The following KDSR variants were observed in gnomAD, a reference collection of about 807,000 sequenced individuals.
The protein encoded by KDSR is 3-ketodihydrosphingosine reductase.
In KDSR, 23 loss-of-function variants were observed where a neutral mutation model predicts 41.3. That is an observed-to-expected ratio of 0.56 (90% CI 0.40 to 0.79). The LOEUF (loss-of-function observed/expected upper bound fraction) is 0.79, where lower values mean the gene tolerates loss of function less well. Ranked by LOEUF, KDSR falls within the 30% of genes least tolerant of loss-of-function variation. KDSR has a pLI of 0.00. For missense variants in KDSR, 351 were observed against 416.8 expected, an observed-to-expected ratio of 0.84 and a Z score of 1.37; for synonymous variants, 138 against 151.7, an observed-to-expected ratio of 0.91 and a Z score of 0.66.
At chr18:63,361,262 T>G (rs1914979283) in intron 2 of KDSR, among the ~76,000 whole-genome samples, 1 of 141,826 alleles carries the variant, frequency 7.1e-6, no homozygotes, top group South Asian at 2.3e-4. Flanking sequence ...ACACCACAGG[T>G]TCTTCATTCA....
intron 5 of KDSR, among the ~76,000 whole-genome samples, chr18:63,354,551 C>A (rs1295176093): frequency 6.6e-6 from 1 of 151,888 alleles, no homozygotes; most frequent in Non-Finnish European, 1.5e-5. Flanking sequence ...GCCTGTAATC[C>A]CAGCTACTAG....
chr18:63,340,277 T>C (rs1202479754), intron 7 of KDSR, among the ~76,000 whole-genome samples: 1 of 152,258 alleles, frequency 6.6e-6, no homozygotes, highest in Non-Finnish European at 1.5e-5. Context: ...GATCTCTGCT[T>C]ATTCTAAGAC....
chr18:63,331,557 T>C lies in KDSR; in HGVS notation c.*225A>G. 1 of 399,718 alleles carries C rather than the reference T, an allele frequency of 2.5e-6. No homozygotes were observed. Among genetic ancestry groups the C allele is most frequent in the South Asian group, 5.7e-5 (1 of 17,636 alleles). 24.8% of individuals were successfully genotyped at this position (399,718 alleles called of 1,614,324 possible). ...ACCTTCACCTCTCTACCACAAAGCC[T>C]AGAAAATCAAATGGTCTCCTATTCC... On this transcript the variant is annotated 3_prime_UTR_variant, in exon 10 of 10. Coordinates refer to ENST00000645214, the MANE Select transcript of KDSR (RefSeq NM_002035.4).
chr18:63,357,596 T>TA (rs1185151915), intron 3 of KDSR, among the ~76,000 whole-genome samples: 9 of 142,154 alleles, frequency 6.3e-5, no homozygotes, highest in Non-Finnish European at 9.2e-5. Context: ...ATATATATAT[T>TA]TTTTTTTGAG....
At chr18:63,337,362 C>T (rs568636483) in intron 8 of KDSR, among the ~76,000 whole-genome samples, 6 of 152,124 alleles carry the variant, frequency 3.9e-5, no homozygotes, top group South Asian at 4.1e-4. Context: ...GTGATCCGCC[C>T]GCCTTGGCCT....
intron 5 of KDSR, among the ~76,000 whole-genome samples, chr18:63,353,012 CAAAA>C: frequency 8.6e-6 from 1 of 116,234 alleles, no homozygotes; most frequent in Non-Finnish European, 1.8e-5. Flanking sequence ...ACTAAAAATA[CAAAA>C]AAAAAAAAAA....
At chr18:63,360,383 A>T (rs189613488) in intron 2 of KDSR, among the ~76,000 whole-genome samples, 9 of 152,360 alleles carry the variant, frequency 5.9e-5, no homozygotes, top group Admixed American at 3.9e-4. Context: ...AAGAAAACAG[A>T]TATCAGATTA....
At chr18:63,342,334 C>T (rs961626606) in intron 7 of KDSR, among the ~76,000 whole-genome samples, 5 of 151,964 alleles carry the variant, frequency 3.3e-5, no homozygotes, top group Non-Finnish European at 4.4e-5. Context: ...TCATGGGCTC[C>T]GTCAAAGGGA....
intron 5 of KDSR, among the ~76,000 whole-genome samples, chr18:63,351,530 C>T (rs548989275): frequency 6.6e-6 from 1 of 152,104 alleles, no homozygotes; most frequent in Non-Finnish European, 1.5e-5. Flanking sequence ...CTTGGGTCTC[C>T]CATTTATTGC....
intron 8 of KDSR, among the ~76,000 whole-genome samples, chr18:63,337,519 G>A (rs1322479648): frequency 6.6e-6 from 1 of 152,112 alleles, no homozygotes; most frequent in Admixed American, 6.6e-5. Context: ...AAAGTTCTCT[G>A]GGGTTGTTGA....
chr18:63,337,568 T>C (rs1914213308), intron 8 of KDSR, among the ~76,000 whole-genome samples: 2 of 152,126 alleles, frequency 1.3e-5, no homozygotes, highest in Non-Finnish European at 2.9e-5. Flanking sequence ...AGAAGAAAAG[T>C]TTGAAAACCA....
At chr18:63,344,549 C>A in intron 6 of KDSR, 56 bp from the exon 7 acceptor site, 1 of 1,243,306 alleles carries the variant, frequency 8.0e-7, no homozygotes, top group Non-Finnish European at 1.2e-6. Context: ...TGAGGTCCTA[C>A]ACTGCCAACC....
chr18:63,339,501 T>C (rs1914280629), intron 7 of KDSR, among the ~76,000 whole-genome samples: 1 of 152,256 alleles, frequency 6.6e-6, no homozygotes. Context: ...ATGGGCTGCA[T>C]GCTAGTTACC....
chr18:63,361,001 AAT>A (rs1555715408), intron 2 of KDSR, among the ~76,000 whole-genome samples: 5 of 120,244 alleles, frequency 4.2e-5, no homozygotes, highest in Non-Finnish European at 6.5e-5. Flanking sequence ...CTAAAAAAAA[AAT>A]ATATATATAT....
chr18:63,344,345 G>T, intron 7 of KDSR, 65 bp downstream of exon 7: 1 of 1,137,476 alleles, frequency 8.8e-7, no homozygotes, highest in Non-Finnish European at 1.3e-6. Flanking sequence ...GAGCTGAAGA[G>T]TAGAAAGAAA....
rs146330917 is a variant in KDSR at position 63,344,557 on chromosome 18, A to T, written c.610-64T>A. ...GACACACTGAGGTCCTACACTGCCA[A>T]CCTGCACTGGCTGCCCTGATTCCCA... On this transcript the variant is annotated intron_variant, in intron 6 of 9. Transcript: ENST00000645214. 1,070 of 1,165,784 alleles carry T rather than the reference A, an allele frequency of 9.2e-4. 9 individuals carry two copies. The highest frequency in any genetic ancestry group is 6.9e-3 in the South Asian group (550 of 79,200). The allele number at this position is 1,165,784 out of a possible 1,614,324, so 72.2% of individuals were successfully genotyped here. A position where few individuals can be genotyped will look rare whatever the true frequency, so the allele number is the denominator to read the frequency against.
chr18:63,344,534 C>T (rs367738736), intron 6 of KDSR, 41 bp from the exon 7 acceptor site: 11 of 1,446,498 alleles, frequency 7.6e-6, no homozygotes, highest in Non-Finnish European at 1.1e-5. Context: ...GTAAACAAGA[C>T]ACACTGAGGT....
intron 1 of KDSR, among the ~76,000 whole-genome samples, chr18:63,364,688 C>T (rs1915085305): frequency 6.6e-6 from 1 of 152,214 alleles, no homozygotes; most frequent in African/African-American, 2.4e-5. Context: ...AAGTTATGCA[C>T]TCTCCTTGAC....
In KDSR at chr18:63,351,087, G is replaced by T. The variant is rs895522355; in HGVS notation, c.418-8C>A. 2 of 1,603,084 alleles carry T rather than the reference G, an allele frequency of 1.2e-6. No homozygotes were observed. Among genetic ancestry groups the T allele is most frequent in the Middle Eastern group, 1.7e-4 (1 of 6,038 alleles). On this transcript the variant is annotated splice_polypyrimidine_tract_variant and splice_region_variant and intron_variant, in intron 5 of 9. Transcript: ENST00000645214. ...ATTGATGCTCATTAACCTCTGCAGG[G>T]AACAAAGAGGCCACATGAGGTCAAA...
Sources: allele counts gnomAD v4.1 joint callset (sites outside exome capture counted in the v4.1 genomes callset), GRCh38; gene constraint gnomAD v4.1.1; transcripts MANE v1.5; gene names NCBI Gene and HGNC (gene_info 2026-07-23, HGNC 2026-07-21).